ADAMTSL1: variants seen among roughly 807,000 people sequenced by gnomAD.
The protein encoded by ADAMTSL1 is ADAMTS like 1.
In ADAMTSL1, 126 loss-of-function variants were observed where a neutral mutation model predicts 201.8. The observed-to-expected ratio is 0.62, with a 90% confidence interval of 0.54 to 0.72. The LOEUF is 0.72. ADAMTSL1 is among the 30% of genes least tolerant of loss of function. ADAMTSL1 has a pLI of 0.00. For missense variants in ADAMTSL1, 2,679 were observed against 2,277.8 expected (o/e 1.18, Z -3.59); for synonymous variants, 1,121 against 903.4 (o/e 1.24, Z -4.32).
At chr9:18,120,639 C>G (rs1825457781) in intron 1 of ADAMTSL1, among the ~76,000 whole-genome samples, 1 of 152,126 alleles carries the variant, frequency 6.6e-6, no homozygotes, top group Non-Finnish European at 1.5e-5. Flanking sequence ...AATATTATTT[C>G]ATGTGTGTAC....
chr9:18,838,882 T>TAAAA (rs1445359785), intron 23 of ADAMTSL1, among the ~76,000 whole-genome samples: 1 of 143,054 alleles, frequency 7.0e-6, no homozygotes, highest in Admixed American at 6.9e-5. Context: ...CTCTTTTTTT[T>TAAAA]AAAAAAAAAA....
intron 19 of ADAMTSL1, among the ~76,000 whole-genome samples, chr9:18,779,492 C>T (rs1821258415): frequency 6.6e-6 from 1 of 152,086 alleles, no homozygotes; most frequent in African/African-American, 2.4e-5. Flanking sequence ...CTGTAGTTAC[C>T]ACATCTTAGA....
intron 1 of ADAMTSL1, among the ~76,000 whole-genome samples, chr9:17,983,871 T>A (rs1818819228): frequency 6.6e-6 from 1 of 152,098 alleles, no homozygotes; most frequent in African/African-American, 2.4e-5. Flanking sequence ...TAAAAGGGGA[T>A]GTTTAATTAT....
chr9:18,064,080 C>A (rs542141788), intron 1 of ADAMTSL1, among the ~76,000 whole-genome samples: 1 of 152,294 alleles, frequency 6.6e-6, no homozygotes, highest in South Asian at 2.1e-4. Flanking sequence ...AACACAGATG[C>A]TCCTACTGTT....
At chr9:18,553,508 T>C (rs1378913004) in intron 3 of ADAMTSL1, among the ~76,000 whole-genome samples, 1 of 151,844 alleles carries the variant, frequency 6.6e-6, no homozygotes, top group Non-Finnish European at 1.5e-5. Flanking sequence ...AACATTCCAC[T>C]TTATTTGATC....
At chr9:18,034,325 C>T (rs1256067002) in intron 1 of ADAMTSL1, among the ~76,000 whole-genome samples, 2 of 152,092 alleles carry the variant, frequency 1.3e-5, no homozygotes, top group Non-Finnish European at 2.9e-5. Flanking sequence ...TTAAACATCA[C>T]TCTTACTTTC....
At chr9:18,828,927 A>T (rs939608198) in intron 22 of ADAMTSL1, among the ~76,000 whole-genome samples, 1 of 151,740 alleles carries the variant, frequency 6.6e-6, no homozygotes, top group Admixed American at 6.6e-5. Flanking sequence ...TGAAATGACC[A>T]TCCATTTCAA....
intron 26 of ADAMTSL1, among the ~76,000 whole-genome samples, chr9:18,894,430 T>G (rs536246379): frequency 1.5e-4 from 21 of 144,688 alleles, no homozygotes; most frequent in African/African-American, 5.5e-4. Flanking sequence ...AAGAGAAACC[T>G]AATCTAGGTG....
At chr9:18,595,256 G>T (rs1454604645) in intron 4 of ADAMTSL1, among the ~76,000 whole-genome samples, 1 of 152,196 alleles carries the variant, frequency 6.6e-6, no homozygotes, top group African/African-American at 2.4e-5. Context: ...TGCAGTGAAA[G>T]GGGCTGGAGT....
chr9:18,219,892 A>G (rs981555531), intron 2 of ADAMTSL1, among the ~76,000 whole-genome samples: 1 of 152,086 alleles, frequency 6.6e-6, no homozygotes, highest in Non-Finnish European at 1.5e-5. Context: ...CTAAACTCTC[A>G]TATTAGTTTT....
chr9:18,452,490 G>T (rs1007952098), intron 2 of ADAMTSL1, among the ~76,000 whole-genome samples: 1 of 152,152 alleles, frequency 6.6e-6, no homozygotes, highest in African/African-American at 2.4e-5. Flanking sequence ...ACTTACTCCA[G>T]AACCAACTCA....
chr9:18,753,960 C>T (rs1254262550), intron 16 of ADAMTSL1, among the ~76,000 whole-genome samples: 1 of 152,076 alleles, frequency 6.6e-6, no homozygotes, highest in Admixed American at 6.5e-5. Context: ...GTTAGAAATG[C>T]TGAGCCAATT....
At chr9:18,751,938 A>C (rs1819494093) in intron 15 of ADAMTSL1, among the ~76,000 whole-genome samples, 1 of 29,434 alleles carries the variant, frequency 3.4e-5, no homozygotes, top group Admixed American at 2.6e-4. Context: ...AAAATACAAA[A>C]AAATTAGCCG....
chr9:18,784,870 A>G (rs965160357), intron 19 of ADAMTSL1, among the ~76,000 whole-genome samples: 5 of 152,348 alleles, frequency 3.3e-5, no homozygotes, highest in South Asian at 2.1e-4. Flanking sequence ...TCACTTAAAA[A>G]GTAATCGAGC....
chr9:18,601,913 A>C (rs1442252664), intron 4 of ADAMTSL1, among the ~76,000 whole-genome samples: 1 of 152,102 alleles, frequency 6.6e-6, no homozygotes, highest in East Asian at 1.9e-4. Flanking sequence ...ACTTTTAAAA[A>C]TGACATTTTT....
intron 9 of ADAMTSL1, among the ~76,000 whole-genome samples, chr9:18,668,738 A>G (rs1051554378): frequency 1.3e-5 from 2 of 152,240 alleles, no homozygotes; most frequent in African/African-American, 2.4e-5. Flanking sequence ...ATCAGCTATC[A>G]TGATTGAATT....
intron 2 of ADAMTSL1, among the ~76,000 whole-genome samples, chr9:18,192,506 T>C (rs1829009761): frequency 6.6e-6 from 1 of 152,166 alleles, no homozygotes; most frequent in Admixed American, 6.5e-5. Context: ...TTAAGCTTGC[T>C]GAACCTTTCC....
intron 2 of ADAMTSL1, among the ~76,000 whole-genome samples, chr9:18,240,174 C>T (rs1831008398): frequency 6.6e-6 from 1 of 152,144 alleles, no homozygotes; most frequent in African/African-American, 2.4e-5. Context: ...CAAAATGCAT[C>T]TCTTAAATAA....
intron 2 of ADAMTSL1, among the ~76,000 whole-genome samples, chr9:18,382,806 GT>G (rs1161902298): frequency 6.6e-6 from 1 of 152,166 alleles, no homozygotes; most frequent in Non-Finnish European, 1.5e-5. Context: ...CACTAACAGA[GT>G]TCTAAGTTAT....
Sources: allele counts gnomAD v4.1 joint callset (sites outside exome capture counted in the v4.1 genomes callset), GRCh38; gene constraint gnomAD v4.1.1; transcripts MANE v1.5; gene names NCBI Gene and HGNC (gene_info 2026-07-23, HGNC 2026-07-21).